The following ASH1L variants were observed in gnomAD, a reference collection of about 807,000 sequenced individuals.
ASH1L encodes ASH1 like histone lysine methyltransferase.
A neutral mutation model predicts 269.0 loss-of-function variants in ASH1L; 23 were observed. The ratio of observed to expected loss-of-function variants is 0.09; its 90% confidence interval spans 0.06 to 0.12. The LOEUF (loss-of-function observed/expected upper bound fraction) is 0.12. Among genes scored for constraint, ASH1L ranks in the 10% least tolerant of loss-of-function variants. The pLI is 1.00. For synonymous variants in ASH1L, 1,187 were observed against 1,253.5 expected, an observed-to-expected ratio of 0.95 and a Z score of 1.12; for missense variants, 2,912 against 3,567.8, an observed-to-expected ratio of 0.82 and a Z score of 4.68.
At chr1:155,487,016 T>G (rs1666370834) in intron 2 of ASH1L, among the ~76,000 whole-genome samples, 1 of 151,988 alleles carries the variant, frequency 6.6e-6, no homozygotes, top group South Asian at 2.1e-4. Context: ...AAATACAAAA[T>G]TAGCCGGGTG....
intron 5 of ASH1L, among the ~76,000 whole-genome samples, chr1:155,422,951 CTTT>C (rs71080703): frequency 3.3e-5 from 4 of 122,272 alleles, no homozygotes; most frequent in Non-Finnish European, 5.3e-5. Context: ...GCTGGCCTTT[CTTT>C]TTTTTTTTTT....
At chr1:155,389,077 C>A (rs1032600911) in intron 7 of ASH1L, among the ~76,000 whole-genome samples, 1 of 151,210 alleles carries the variant, frequency 6.6e-6, no homozygotes, top group Non-Finnish European at 1.5e-5. Context: ...GTGATCCTGG[C>A]TCATTGCAAC....
chr1:155,346,568 G>C (rs2148332742), intron 20 of ASH1L, 99 bp from the exon 21 acceptor site: 1 of 922,860 alleles, frequency 1.1e-6, no homozygotes, highest in East Asian at 2.4e-5. Context: ...TCAGGGTAAA[G>C]TAAAAGAGGA....
chr1:155,466,077 G>C (rs988701075), intron 3 of ASH1L, among the ~76,000 whole-genome samples: 1 of 152,132 alleles, frequency 6.6e-6, no homozygotes. Flanking sequence ...TGTTTTGGCC[G>C]GGCGCTGTGG....
chr1:155,543,065 A>T (rs1204221537), intron 1 of ASH1L, among the ~76,000 whole-genome samples: 1 of 152,118 alleles, frequency 6.6e-6, no homozygotes, highest in East Asian at 1.9e-4. Context: ...ACTTTAAATT[A>T]CTATATATGA....
In ASH1L at chr1:155,343,540, A is replaced by G; in HGVS notation, c.8121-54T>C. 2.5e-6 allele frequency: 4 copies of G among 1,612,062 alleles called. No individual in the cohort carries two copies. Among genetic ancestry groups the G allele is most frequent in the South Asian group, 1.1e-5 (1 of 90,826 alleles). ...AGGTTTAGCTGATTAGCAAGATCCT[A>G]GTGAACATTCAGCTCCACTGGTACA... is the stretch of plus-strand genomic sequence containing the variant. On this transcript the variant is annotated intron_variant, in intron 23 of 27. Transcript: ENST00000392403. The surrounding 1 kb of genome is among the most constrained non-coding windows in gnomAD (Gnocchi z 6.1).
intron 5 of ASH1L, chr1:155,433,332 T>G: frequency 1.9e-6 from 3 of 1,587,196 alleles, no homozygotes; most frequent in Non-Finnish European, 1.7e-6. Flanking sequence ...GGGCCGGGAG[T>G]TGGGTCAGGC....
intron 12 of ASH1L, among the ~76,000 whole-genome samples, chr1:155,369,093 T>C (rs1655693807): frequency 6.6e-6 from 1 of 151,874 alleles, no homozygotes. Context: ...TTCATAGGGG[T>C]GTTGGTTATA....
chr1:155,428,097 TAAA>T lies in ASH1L; in HGVS notation c.5828+10227_5828+10229del, dbSNP rs951869452. Among the ~76,000 whole-genome samples, 100 of 152,282 alleles carry T rather than the reference TAAA, an allele frequency of 6.6e-4. 1 individual carries two copies. Among genetic ancestry groups the T allele is most frequent in the Middle Eastern group, 6.8e-3 (2 of 294 alleles). On this transcript the variant is annotated intron_variant, in intron 5 of 27. Coordinates refer to ENST00000392403, the MANE Select transcript of ASH1L (RefSeq NM_018489.3). ...GAACGAATTAAACCTCTTTTCTTTA[TAAA>T]TTACCCAGTCTCAGGTATTTATAGC...
At chr1:155,394,177 G>C (rs1004784254) in intron 7 of ASH1L, among the ~76,000 whole-genome samples, 1 of 152,104 alleles carries the variant, frequency 6.6e-6, no homozygotes, top group African/African-American at 2.4e-5. Flanking sequence ...GAGCTTTTCA[G>C]GCAATGGGAA....
chr1:155,481,962 T>A lies in ASH1L; in HGVS notation c.908A>T (p.Asp303Val). ...FNAAVGLVNK[D>V]SVKKLGTGTT... ...GCCAGTTCCCAGTTTTTTCACAGAGTCCTTATTGACCAATCCTACTGCTGC... is the reference window on the plus strand; with the variant it reads ...GCCAGTTCCCAGTTTTTTCACAGAGACCTTATTGACCAATCCTACTGCTGC... The change falls in exon 3 of 28, where the codon GAC becomes GTC. Residue 303 changes from aspartate (D) to valine (V), a missense_variant. Physicochemically the swap from Asp to Val is radical, Grantham distance 152. Around this residue, in one of 13 missense-constraint regions of ASH1L, gnomAD observed 277 missense variants for 367.7 expected, o/e 0.75. Transcript: ENST00000392403. 1 of 1,614,004 alleles carries A rather than the reference T, an allele frequency of 6.2e-7. No homozygotes were observed. Among genetic ancestry groups the A allele is most frequent in the Non-Finnish European group, 8.5e-7 (1 of 1,179,982 alleles).
intron 2 of ASH1L, among the ~76,000 whole-genome samples, chr1:155,498,158 A>C (rs1667279123): frequency 1.3e-5 from 2 of 152,176 alleles, no homozygotes; most frequent in African/African-American, 4.8e-5. Flanking sequence ...TTCCACTTAC[A>C]TATGAGGTAA....
chr1:155,443,623 A>G (rs1046549328), intron 4 of ASH1L, among the ~76,000 whole-genome samples: 11 of 152,222 alleles, frequency 7.2e-5, no homozygotes, highest in African/African-American at 2.7e-4. Flanking sequence ...CTCAGAGAAG[A>G]AACAACTGAT....
intron 2 of ASH1L, among the ~76,000 whole-genome samples, chr1:155,497,623 T>G (rs1667235965): frequency 6.6e-6 from 1 of 152,220 alleles, no homozygotes; most frequent in African/African-American, 2.4e-5. Context: ...GCAGTTACGT[T>G]CTGGGGGAGT....
rs778346545 is a variant in ASH1L at position 155,480,118 on chromosome 1, T to C, written c.2752A>G (p.Ser918Gly). The change falls in exon 3 of 28, where the codon AGT (serine) becomes GGT (glycine). Residue 918 changes from serine to glycine, a missense_variant. Ser to Gly is a moderately conservative substitution (Grantham distance 56, BLOSUM62 0). Coordinates refer to ENST00000392403, the MANE Select transcript of ASH1L (RefSeq NM_018489.3). ...CTTTCAGATTCTAGCTTGCTTGGAC[T>C]TTCAGTGGCAACAAATGGAGCCACT... Reference protein sequence around the residue: ...LSVAPFVATESPSKLESESDN... With the variant: ...LSVAPFVATEGPSKLESESDN... The C allele has an allele frequency of 9.9e-6, 16 of 1,614,032 alleles. No individual in the cohort carries two copies. In the Admixed American group the frequency reaches 1.5e-4, roughly 15 times the overall value.
Position 155,562,758 on chromosome 1 carries a change from G to C in ASH1L, c.-705C>G. On this transcript the variant is annotated 5_prime_UTR_variant, in exon 1 of 28. Coordinates refer to ENST00000392403, the MANE Select transcript of ASH1L (RefSeq NM_018489.3). The stretch of plus-strand genomic sequence containing the variant: ...CCTCAGGCCCTGTCAAGCCGGCGCC[G>C]GCGCAGGCCCTCACGCGTACCTTCA... 1.9e-6 allele frequency: 2 copies of C among 1,068,154 alleles called. No homozygotes were observed. The highest frequency in any genetic ancestry group is 2.7e-6 in the Non-Finnish European group (2 of 730,584). The allele number at this position is 1,068,154 out of a possible 1,614,324, so 66.2% of individuals were successfully genotyped here. A position where few individuals can be genotyped will look rare whatever the true frequency, so the allele number is the denominator to read the frequency against.
At chr1:155,485,100 C>T (rs1287435782) in intron 2 of ASH1L, among the ~76,000 whole-genome samples, 1 of 151,034 alleles carries the variant, frequency 6.6e-6, no homozygotes, top group Non-Finnish European at 1.5e-5. Flanking sequence ...GGTAAAAATA[C>T]AAAAAATTAG....
At position 155,518,691 on chromosome 1, in the gene ASH1L, G is replaced by C. The variant is rs533526249; in HGVS notation, c.420+2409C>G. On this transcript the variant is annotated intron_variant, in intron 2 of 27. Transcript: ENST00000392403. ...GCTACAGCTTGAGAACGGGGGCGGT[G>C]GGGGGGCGGTGGGAGGAAGGAAAGA... is the stretch of plus-strand genomic sequence containing the variant. Among the ~76,000 whole-genome samples the C allele has an allele frequency of 3.7e-3, 553 of 149,604 alleles. 3 individuals carry two copies. The highest frequency in any genetic ancestry group is 0.031 in the Middle Eastern group (9 of 292).
At chr1:155,442,937 C>T (rs1662723066) in intron 4 of ASH1L, among the ~76,000 whole-genome samples, 1 of 152,152 alleles carries the variant, frequency 6.6e-6, no homozygotes, top group South Asian at 2.1e-4. Context: ...AGGAAGCACC[C>T]TCTTCATTCT....
Sources: allele counts gnomAD v4.1 joint callset (sites outside exome capture counted in the v4.1 genomes callset), GRCh38; gene constraint gnomAD v4.1.1; regional missense constraint gnomAD v4.1.1; non-coding constraint Gnocchi (gnomAD v3.1); transcripts MANE v1.5; gene names NCBI Gene and HGNC (gene_info 2026-07-23, HGNC 2026-07-21).